The following PIGG variants were observed in gnomAD, a reference collection of about 807,000 sequenced individuals.
PIGG encodes phosphatidylinositol glycan anchor biosynthesis class G (EMM blood group).
A neutral mutation model predicts 83.2 loss-of-function variants in PIGG; 70 were observed. The observed-to-expected ratio is 0.84, with a 90% CI of 0.69 to 1.03. The LOEUF (loss-of-function observed/expected upper bound fraction) is 1.03, where lower values mean the gene tolerates loss of function less well. Among genes scored for constraint, PIGG ranks in the 50% least tolerant of loss-of-function variants. The pLI, the probability that PIGG is intolerant of heterozygous loss-of-function variation, is 0.00. For synonymous variants in PIGG, 532 were observed against 519.5 expected (o/e 1.02, Z -0.33); for missense variants, 1,257 against 1,233.6 (o/e 1.02, Z -0.28).
At chr4:527,617 T>C in intron 10 of PIGG, 1 of 1,001,734 alleles carries the variant, frequency 1.0e-6, no homozygotes, top group Non-Finnish European at 1.2e-6. Flanking sequence ...CAGGGTGTAA[T>C]TGGTGATGAG....
chr4:523,015 T>C (rs1726462392), intron 8 of PIGG, among the ~76,000 whole-genome samples: 1 of 152,104 alleles, frequency 6.6e-6, no homozygotes, highest in South Asian at 2.1e-4. Context: ...GTTCTTTGGT[T>C]TCAAGAAGCA....
At chr4:536,760 G>A (rs1730736212) in intron 12 of PIGG, 1 of 152,324 alleles carries the variant, frequency 6.6e-6, no homozygotes, top group African/African-American at 2.4e-5. Flanking sequence ...AGCGCGTGGA[G>A]GTGCATCTGC....
Position 528,228 on chromosome 4 carries a change from G to GT in PIGG, c.2261+1008dup, listed in dbSNP as rs1043525549. Reference sequence around the variant, plus strand: ...ACCCCAGCTTACTAATTGTGTACCTGTTTTTTTTTTCATACTTATATGAAA... The same window carrying GT: ...ACCCCAGCTTACTAATTGTGTACCTGTTTTTTTTTTTCATACTTATATGAAA... On this transcript the variant is annotated intron_variant, in intron 10 of 12. Coordinates refer to ENST00000453061, the MANE Select transcript of PIGG (RefSeq NM_001127178.3). This position sits in a 1 kb window ranked among gnomAD's most constrained non-coding sequence, Gnocchi z 4.8. 0.012 allele frequency: 10,011 copies of GT among 848,114 alleles called. 1 individual carries two copies. The highest frequency in any genetic ancestry group is 0.013 in the Non-Finnish European group (8,967 of 705,576). 52.5% of individuals were successfully genotyped at this position (848,114 alleles called of 1,614,324 possible). A position where few individuals can be genotyped will look rare whatever the true frequency, so the allele number is the denominator to read the frequency against.
Position 523,755 on chromosome 4 carries a change from CG to C in PIGG, c.1913del (p.Gly638GlufsTer23). The C allele has an allele frequency of 1.2e-6, 2 of 1,614,090 alleles. No homozygotes were observed. The highest frequency in any genetic ancestry group is 1.7e-6 in the Non-Finnish European group (2 of 1,180,042). On this transcript the variant is annotated frameshift_variant, in exon 9 of 13. Transcript: ENST00000453061. LOFTEE classifies it high-confidence loss of function. ...ATGTCCTGGAGCGAGACAAAGGCCA[CG>C]GAAGCCCCTCTACCTCCGAAGTGCT... ...CDVLERDKGHGSPSTSEVLRG... is the reference protein window; with the variant it reads ...CDVLERDKGHXSPSTSEVLRG...
chr4:520,284 A>C (rs142161456), intron 6 of PIGG, among the ~76,000 whole-genome samples: 5 of 152,378 alleles, frequency 3.3e-5, no homozygotes, highest in African/African-American at 1.2e-4. Context: ...AGACCAGTCT[A>C]ATCACAAGTG....
At chr4:500,211 C>T (rs185186302) in intron 1 of PIGG, among the ~76,000 whole-genome samples, 185 bp from the exon 2 acceptor site, 1 of 152,290 alleles carries the variant, frequency 6.6e-6, no homozygotes, top group African/African-American at 2.4e-5. Context: ...TAAGATTACT[C>T]CTGTTAACCC....
chr4:516,947 G>A (rs1414178548), intron 6 of PIGG, among the ~76,000 whole-genome samples: 1 of 152,020 alleles, frequency 6.6e-6, no homozygotes, highest in Non-Finnish European at 1.5e-5. Flanking sequence ...GCTGGCCGCT[G>A]GCCATCTGGG....
intron 9 of PIGG, among the ~76,000 whole-genome samples, chr4:526,516 TC>T (rs147316401): frequency 0.02 from 3,048 of 152,064 alleles, 90 homozygotes; most frequent in African/African-American, 0.07. Context: ...GCCATGTGGG[TC>T]TAGGGACGTA....
chr4:505,645 AAAAAT>A, intron 2 of PIGG, 68 bp from the exon 3 acceptor site: 5 of 1,137,986 alleles, frequency 4.4e-6, no homozygotes, highest in South Asian at 1.4e-5. Context: ...AAAAAAAAAA[AAAAAT>A]CTTCAGTGCC....
At chr4:502,805 G>C (rs12644335) in intron 2 of PIGG, among the ~76,000 whole-genome samples, 27,665 of 151,854 alleles carry the variant, frequency 0.18, 3,096 homozygotes, top group Middle Eastern at 0.26. Flanking sequence ...CACAAAAGAA[G>C]GGATGAAAAC....
chr4:516,192 C>T lies in PIGG; in HGVS notation c.1114+7C>T. ...GTGCCGTCATATGAAAAAGGTCAGT[C>T]AACTCACCGTTTCGAGCTCTGTCAG... On this transcript the variant is annotated splice_region_variant and intron_variant, in intron 6 of 12. Transcript: ENST00000453061. The T allele has an allele frequency of 1.3e-6, 2 of 1,596,398 alleles. No homozygotes were observed. The highest frequency in any genetic ancestry group is 8.6e-7 in the Non-Finnish European group (1 of 1,163,892).
At chr4:506,644 G>A (rs2108795505) in intron 3 of PIGG, 1 of 392,028 alleles carries the variant, frequency 2.6e-6, no homozygotes, top group East Asian at 7.4e-5. Flanking sequence ...CTCTTCATAG[G>A]AGATTTTTTT....
intron 8 of PIGG, among the ~76,000 whole-genome samples, chr4:523,250 G>A (rs963150299): frequency 1.1e-4 from 17 of 152,308 alleles, no homozygotes; most frequent in Middle Eastern, 3.4e-3. Flanking sequence ...GGCTGAGGGC[G>A]TCTCCACTCC....
At chr4:513,047 G>C (rs918786713) in intron 5 of PIGG, among the ~76,000 whole-genome samples, 11 of 152,276 alleles carry the variant, frequency 7.2e-5, no homozygotes, top group East Asian at 3.9e-4. Flanking sequence ...GGGCTAGGAG[G>C]GGGAGGGAGG....
At chr4:512,725 G>A (rs535610030) in intron 5 of PIGG, among the ~76,000 whole-genome samples, 2 of 151,996 alleles carry the variant, frequency 1.3e-5, no homozygotes, top group African/African-American at 4.8e-5. Flanking sequence ...TGAGGCAGGA[G>A]AATCACTTGA....
In PIGG at chr4:538,007, C is replaced by T. The variant is rs377239712; in HGVS notation, c.2736-1146C>T. 3.3e-5 allele frequency among the ~76,000 whole-genome samples: 5 copies of T among 151,648 alleles called. No individual in the cohort carries two copies. In the South Asian group the frequency reaches 6.3e-4, roughly 19 times the overall value. ...TGCATGTGGGGCCCAGACACACATA[C>T]GTGCCGACAGGACTGAGGAGCCCTT... On this transcript the variant is annotated intron_variant, in intron 12 of 12. Transcript: ENST00000453061.
intron 5 of PIGG, among the ~76,000 whole-genome samples, chr4:509,413 C>T (rs1322278628): frequency 6.6e-6 from 1 of 152,190 alleles, no homozygotes; most frequent in Admixed American, 6.5e-5. Context: ...CAGACACGCC[C>T]CAAACACACA....
chr4:527,124 G>A lies in PIGG; in HGVS notation c.2155G>A (p.Val719Met). The A allele has an allele frequency of 6.2e-7, 1 of 1,614,172 alleles. No individual in the cohort carries two copies. The highest frequency in any genetic ancestry group is 8.5e-7 in the Non-Finnish European group (1 of 1,180,024). ...GCTGGTGCAGAGGGGGTGCTCCCCT[G>A]TGTCCAAGGCTGCCCTGGCGCTGGG... The part of the protein sequence containing the change: ...FVLVQRGCSP[V>M]SKAALALGLL... Residue 719 changes from valine (V) to methionine (M), a missense_variant, in exon 10 of 13, where the codon GTG (valine) becomes ATG (methionine). Val to Met is a conservative substitution (Grantham distance 21). Transcript: ENST00000453061.
chr4:532,561 G>C (rs1229373452), intron 11 of PIGG: 1 of 152,376 alleles, frequency 6.6e-6, no homozygotes, highest in Non-Finnish European at 1.5e-5. Context: ...GGCAAGCCAA[G>C]TCAAAGGGCT....
Sources: allele counts gnomAD v4.1 joint callset (sites outside exome capture counted in the v4.1 genomes callset), GRCh38; gene constraint gnomAD v4.1.1; non-coding constraint Gnocchi (gnomAD v3.1); transcripts MANE v1.5; gene names NCBI Gene and HGNC (gene_info 2026-07-23, HGNC 2026-07-21).